Variants in DNM2 observed in about 807,000 individuals in gnomAD.
DNM2 encodes the protein dynamin-2.
A neutral mutation model predicts 99.0 loss-of-function variants in DNM2; 15 were observed. The ratio of observed to expected loss-of-function variants is 0.15; its 90% confidence interval spans 0.10 to 0.23. The LOEUF (loss-of-function observed/expected upper bound fraction) is 0.23. Ranked by LOEUF, DNM2 falls within the 10% of genes least tolerant of loss-of-function variation. The pLI is 1.00. For synonymous variants in DNM2, 525 were observed against 481.2 expected (o/e 1.09, Z -1.19); for missense variants, 742 against 1,189.4 (o/e 0.62, Z 5.53).
intron 9 of DNM2, 64 bp from the exon 10 acceptor site, chr19:10,797,316 G>A (rs956437235): frequency 1.2e-6 from 2 of 1,600,734 alleles, no homozygotes; most frequent in African/African-American, 2.7e-5. Context: ...CTCCTGTCCT[G>A]CGTGTGTGGC....
intron 7 of DNM2, among the ~76,000 whole-genome samples, chr19:10,790,844 G>A (rs374284454): frequency 2.0e-5 from 3 of 152,070 alleles, no homozygotes; most frequent in East Asian, 3.9e-4. Flanking sequence ...CCGGCTCACC[G>A]CAGCCTCACC....
chr19:10,786,363 TG>T, intron 6 of DNM2, 200 bp from the exon 7 acceptor site: 1 of 842,000 alleles, frequency 1.2e-6, no homozygotes, highest in Non-Finnish European at 1.9e-6. Context: ...CTTACACTCA[TG>T]GGCAGCTCCG....
intron 7 of DNM2, among the ~76,000 whole-genome samples, chr19:10,787,240 C>T (rs144898028): frequency 3.0e-3 from 462 of 151,750 alleles, no homozygotes; most frequent in African/African-American, 0.01. Flanking sequence ...GAGGCCGAGG[C>T]GAGCGGATCA....
intron 1 of DNM2, among the ~76,000 whole-genome samples, chr19:10,758,789 C>G (rs182113546): frequency 1.3e-5 from 2 of 151,990 alleles, no homozygotes; most frequent in East Asian, 3.9e-4. Context: ...TCAAGTGATC[C>G]GCCCACCTCG....
rs879228573 is a variant in DNM2, at chr19:10,802,192, C to A, written c.1423-96C>A. ...TGTCTGGGAAGCCTCCTGGTTCCCA[C>A]GCCTTCCCTGCTGGCAAGGCCAGGA... On this transcript the variant is annotated intron_variant, in intron 11 of 20. Coordinates refer to ENST00000389253, the MANE Select transcript of DNM2 (RefSeq NM_001005361.3). 5.2e-6 allele frequency: 7 copies of A among 1,352,532 alleles called. No individual in the cohort carries two copies. The East Asian group carries it at 1.4e-4, about 27-fold the overall frequency. 83.8% of individuals were successfully genotyped at this position (1,352,532 alleles called of 1,614,324 possible).
intron 16 of DNM2, among the ~76,000 whole-genome samples, chr19:10,821,240 C>A (rs962685383): frequency 1.3e-5 from 2 of 152,168 alleles, no homozygotes; most frequent in Non-Finnish European, 2.9e-5. Flanking sequence ...TGCCCCTGGC[C>A]ATATGACACC....
At chr19:10,748,979 G>A (rs991762282) in intron 1 of DNM2, among the ~76,000 whole-genome samples, 5 of 152,216 alleles carry the variant, frequency 3.3e-5, no homozygotes, top group African/African-American at 1.2e-4. Context: ...CTGAAGGCTG[G>A]CTGTGGTGTC....
chr19:10,806,353 C>T (rs1267618197), intron 13 of DNM2, among the ~76,000 whole-genome samples: 1 of 151,606 alleles, frequency 6.6e-6, no homozygotes, highest in East Asian at 1.9e-4. Flanking sequence ...GACTCTGTCT[C>T]TACAAATAAT....
At chr19:10,721,106 T>A (rs1186571242) in intron 1 of DNM2, among the ~76,000 whole-genome samples, 2 of 152,080 alleles carry the variant, frequency 1.3e-5, no homozygotes, top group Admixed American at 6.6e-5. Flanking sequence ...CCGGCCAGTA[T>A]GGAGCTGGTT....
chr19:10,794,175 A>T (rs2071847950), intron 8 of DNM2, among the ~76,000 whole-genome samples: 1 of 152,232 alleles, frequency 6.6e-6, no homozygotes, highest in South Asian at 2.1e-4. Context: ...TGAAGAAGGA[A>T]AAAATAGGCA....
Position 10,831,353 on chromosome 19 carries a change from G to T in DNM2, c.*306G>T. On this transcript the variant is annotated 3_prime_UTR_variant, in exon 21 of 21. Transcript: ENST00000389253. The surrounding 1 kb of genome is among the most constrained non-coding windows in gnomAD (Gnocchi z 4.3). Reference sequence around the variant, plus strand: ...CCATCCTGAATGAGGGGTCCAGCCTGGGGGGGACTCTACCAAGGTCTTCTT... The same window carrying T: ...CCATCCTGAATGAGGGGTCCAGCCTTGGGGGGACTCTACCAAGGTCTTCTT... 1.7e-6 allele frequency: 2 copies of T among 1,152,086 alleles called. No individual in the cohort carries two copies. Among genetic ancestry groups the T allele is most frequent in the South Asian group, 3.3e-5 (1 of 30,476 alleles). 71.4% of individuals were successfully genotyped at this position (1,152,086 alleles called of 1,614,324 possible). A position where few individuals can be genotyped will look rare whatever the true frequency, so the allele number is the denominator to read the frequency against.
At chr19:10,823,937 C>A (rs748625096) in intron 17 of DNM2, 38 bp downstream of exon 17, 54 of 1,601,724 alleles carry the variant, frequency 3.4e-5, no homozygotes, top group East Asian at 4.5e-5. Flanking sequence ...CCAGAGCCCC[C>A]ACCTGGGAGA....
In DNM2 at chr19:10,830,553, C is replaced by A. The variant is rs1177096588; in HGVS notation, c.2543+175C>A. The A allele has an allele frequency of 1.3e-6, 1 of 785,762 alleles. No individual in the cohort carries two copies. Among genetic ancestry groups the A allele is most frequent in the Non-Finnish European group, 2.0e-6 (1 of 503,472 alleles). The allele number at this position is 785,762 out of a possible 1,614,324, so 48.7% of individuals were successfully genotyped here. ...GCCCAGAGAGGCCAAGAGGCTTGTT[C>A]AGTGTCACAGAGTAGCGGAGCCCTG... On this transcript the variant is annotated intron_variant, in intron 20 of 20. Coordinates refer to ENST00000389253, the MANE Select transcript of DNM2 (RefSeq NM_001005361.3). This position sits in a 1 kb window ranked among gnomAD's most constrained non-coding sequence, Gnocchi z 4.8.
In DNM2 at chr19:10,718,338, G is replaced by A. The variant is rs767726067; in HGVS notation, c.96G>A (p.Pro32=). ...SIGQSCHLDL[P]QIAVVGGQSA... is the part of the protein sequence containing the mutation. ...GCCAGAGCTGCCACCTGGACCTGCC[G>A]CAGATCGCTGTAGTGGGCGGCCAGA... The change falls in exon 1 of 21, where the codon CCG becomes CCA. Residue 32 remains proline, a synonymous_variant. Transcript: ENST00000389253. 3 of 1,523,246 alleles carry A rather than the reference G, an allele frequency of 2.0e-6. No homozygotes were observed. The highest frequency in any genetic ancestry group is 2.9e-5 in the African/African-American group (2 of 70,060). The allele number at this position is 1,523,246 out of a possible 1,614,324, so 94.4% of individuals were successfully genotyped here.
intron 9 of DNM2, 103 bp from the exon 10 acceptor site, chr19:10,797,277 A>G (rs1440054585): frequency 1.3e-6 from 2 of 1,520,542 alleles, no homozygotes; most frequent in African/African-American, 1.4e-5. Context: ...GACTAATCAG[A>G]TGACTCTCGT....
chr19:10,824,893 G>C, intron 17 of DNM2, 164 bp from the exon 18 acceptor site: 1 of 1,052,398 alleles, frequency 9.5e-7, no homozygotes, highest in East Asian at 2.4e-5. Context: ...CCATTGTTTG[G>C]GCAGCTCTGG....
chr19:10,724,655 G>A (rs951879873), intron 1 of DNM2, among the ~76,000 whole-genome samples: 2 of 152,100 alleles, frequency 1.3e-5, no homozygotes, highest in Non-Finnish European at 2.9e-5. Context: ...AGATATTAGG[G>A]TGGGACCAGG....
At position 10,796,038 on chromosome 19, in the gene DNM2, C is replaced by A. The variant is rs778575153; in HGVS notation, c.1196+599C>A. 6.2e-7 allele frequency: 1 copy of A among 1,612,638 alleles called. No homozygotes were observed. Among genetic ancestry groups the A allele is most frequent in the Admixed American group, 1.7e-5 (1 of 60,014 alleles). On this transcript the variant is annotated intron_variant, in intron 9 of 20. Transcript: ENST00000389253. This position sits in a 1 kb window ranked among gnomAD's most constrained non-coding sequence, Gnocchi z 5.6. ...GTTTCTCTCTGACTTATCTCCCCTG[C>A]CCCCGGGTCTGGACGGTTTCAGGAC...
At chr19:10,759,929 C>T (rs1217485674) in intron 2 of DNM2, 118 bp downstream of exon 2, 4 of 1,372,740 alleles carry the variant, frequency 2.9e-6, no homozygotes, top group African/African-American at 1.4e-5. Flanking sequence ...ATTGAATTCA[C>T]GTGTTCCACA....
Sources: allele counts gnomAD v4.1 joint callset (sites outside exome capture counted in the v4.1 genomes callset), GRCh38; gene constraint gnomAD v4.1.1; non-coding constraint Gnocchi (gnomAD v3.1); transcripts MANE v1.5; gene names NCBI Gene and HGNC (gene_info 2026-07-23, HGNC 2026-07-21).